CYP4F8: variants seen among roughly 807,000 people sequenced by gnomAD.
The protein encoded by CYP4F8 is cytochrome P450 family 4 subfamily F member 8.
In CYP4F8, 56 loss-of-function variants were observed where a neutral mutation model predicts 55.0. The observed-to-expected ratio is 1.02, with a 90% CI of 0.82 to 1.27. The LOEUF is 1.27. Ranked by LOEUF, CYP4F8 falls within the 50% of genes most tolerant of loss-of-function variation. The pLI is 0.00. For synonymous variants in CYP4F8, 288 were observed against 267.3 expected (o/e 1.08, Z -0.76); for missense variants, 680 against 682.4 (o/e 1.00, Z 0.04).
Position 15,625,259 on chromosome 19 carries a change from A to G in CYP4F8, c.1115+1165A>G, listed in dbSNP as rs370624529. On this transcript the variant is annotated intron_variant, in intron 9 of 12. Coordinates refer to ENST00000612078, the MANE Select transcript of CYP4F8 (RefSeq NM_007253.4). ...CTCCAAATGTCTAATTGTCCCAACC[A>G]AGTTTAATGAATATTTTGTCCTTGT... Among the ~76,000 whole-genome samples the G allele has an allele frequency of 2.1e-4, 31 of 151,134 alleles. No homozygotes were observed. In the East Asian group the frequency reaches 5.6e-3, roughly 27 times the overall value.
At chr19:15,625,693 T>G (rs549436017) in intron 9 of CYP4F8, among the ~76,000 whole-genome samples, 259 of 152,224 alleles carry the variant, frequency 1.7e-3, no homozygotes, top group African/African-American at 5.8e-3. Context: ...TTAGCCAGTT[T>G]GACAAATACT....
intron 2 of CYP4F8, 105 bp from the exon 3 acceptor site, chr19:15,617,895 A>T (rs1025184589): frequency 7.2e-7 from 1 of 1,391,560 alleles, no homozygotes; most frequent in Non-Finnish European, 9.7e-7. Context: ...CTCTCCTGAA[A>T]CACTCTCACA....
chr19:15,628,848 G>A lies in CYP4F8; in HGVS notation c.1397+5G>A. On this transcript the variant is annotated splice_donor_5th_base_variant and intron_variant, in intron 12 of 12. Transcript: ENST00000612078. Reference sequence around the variant, plus strand: ...TCCTTTCTCGGCGGGGCCCAGGTGAGGCCAGGGGGTGTCTGAGGTGGGCAT... The same window carrying A: ...TCCTTTCTCGGCGGGGCCCAGGTGAAGCCAGGGGGTGTCTGAGGTGGGCAT... 6.3e-7 allele frequency: 1 copy of A among 1,587,102 alleles called. No individual in the cohort carries two copies. The highest frequency in any genetic ancestry group is 8.6e-7 in the Non-Finnish European group (1 of 1,168,398).
At chr19:15,623,499 G>A (rs1972222442) in intron 7 of CYP4F8, 124 bp downstream of exon 7, 2 of 1,431,614 alleles carry the variant, frequency 1.4e-6, no homozygotes, top group African/African-American at 1.6e-5. Context: ...AAGAAGGGAG[G>A]GACAAGTCAG....
Position 15,617,977 on chromosome 19 carries a change from G to T in CYP4F8, c.199-23G>T, listed in dbSNP as rs769018600. 3 of 1,610,800 alleles carry T rather than the reference G, an allele frequency of 1.9e-6. No individual in the cohort carries two copies. In the South Asian group the frequency reaches 3.3e-5, roughly 18 times the overall value. ...ACCCAGTCAAGTGGACACAGGAGGTGATGGCCCTTGCCTTGCTTGCAGGTC... is the reference window on the plus strand; with the variant it reads ...ACCCAGTCAAGTGGACACAGGAGGTTATGGCCCTTGCCTTGCTTGCAGGTC... On this transcript the variant is annotated intron_variant, in intron 2 of 12. Transcript: ENST00000612078.
intron 4 of CYP4F8, 28 bp downstream of exon 4, chr19:15,619,571 G>A (rs1385127484): frequency 5.6e-6 from 9 of 1,614,052 alleles, no homozygotes; most frequent in Non-Finnish European, 7.6e-6. Flanking sequence ...GACGGGACGG[G>A]GACCAACTTT....
chr19:15,630,384 C>T lies in CYP4F8; in HGVS notation c.*1026C>T, dbSNP rs1360880730. 1 of 152,138 alleles carries T rather than the reference C, an allele frequency of 6.6e-6. No homozygotes were observed. Among genetic ancestry groups the T allele is most frequent in the East Asian group, 1.9e-4 (1 of 5,180 alleles). The allele number at this position is 152,138 out of a possible 1,614,324, so 9.4% of individuals were successfully genotyped here. A position where few individuals can be genotyped will look rare whatever the true frequency, so the allele number is the denominator to read the frequency against. On this transcript the variant is annotated 3_prime_UTR_variant, in exon 13 of 13. Coordinates refer to ENST00000612078, the MANE Select transcript of CYP4F8 (RefSeq NM_007253.4). ...TCTTTATTACCATGTGTATCCAATGCATACCTCCCACTTATAAGTGAGAAC... is the reference window on the plus strand; with the variant it reads ...TCTTTATTACCATGTGTATCCAATGTATACCTCCCACTTATAAGTGAGAAC...
At chr19:15,616,273 C>T (rs1420645796) in intron 2 of CYP4F8, among the ~76,000 whole-genome samples, 4 of 151,732 alleles carry the variant, frequency 2.6e-5, no homozygotes, top group African/African-American at 7.2e-5. Flanking sequence ...TTCCTCTCCT[C>T]GCTCACTCAT....
At chr19:15,622,117 C>G (rs1972201166) in intron 5 of CYP4F8, 102 bp from the exon 6 acceptor site, 2 of 1,452,470 alleles carry the variant, frequency 1.4e-6, no homozygotes, top group African/African-American at 2.9e-5. Flanking sequence ...GGACAGAAAA[C>G]CAGGAGCATG....
Position 15,628,840 on chromosome 19 carries a change from C to T in CYP4F8, c.1394C>T (p.Pro465Leu), listed in dbSNP as rs1157909579. The T allele has an allele frequency of 1.3e-6, 2 of 1,594,882 alleles. No homozygotes were observed. The highest frequency in any genetic ancestry group is 2.2e-5 in the East Asian group (1 of 44,748). Residue 465 changes from proline to leucine, a missense_variant, in exon 12 of 13, where the codon CCC becomes CTC. Physicochemically the swap from Pro to Leu is moderately conservative, Grantham distance 98 (BLOSUM62 -3). Transcript: ENST00000612078. ...GCTTTTATTCCTTTCTCGGCGGGGC[C>T]CAGGTGAGGCCAGGGGGTGTCTGAG... Reference protein sequence around the residue: ...PMAFIPFSAGPRNCIGQKFAM... With the variant: ...PMAFIPFSAGLRNCIGQKFAM...
intron 3 of CYP4F8, 192 bp from the exon 4 acceptor site, chr19:15,619,298 T>C: frequency 5.0e-6 from 3 of 602,902 alleles, no homozygotes; most frequent in Non-Finnish European, 5.8e-6. Flanking sequence ...CATTGCTCTA[T>C]AGTGTTGTTG....
chr19:15,629,308 G>A lies in CYP4F8; in HGVS notation c.1513G>A (p.Val505Ile). 1 of 1,613,062 alleles carries A rather than the reference G, an allele frequency of 6.2e-7. No homozygotes were observed. ...HREPRRTPEI[V>I]LRAEDGLWLR... ...GGAGCCACGCAGGACGCCGGAGATT[G>A]TTTTGCGTGCGGAGGACGGACTTTG... is the stretch of plus-strand genomic sequence containing the variant. The change falls in exon 13 of 13, where the codon GTT (valine) becomes ATT (isoleucine). Residue 505 changes from valine to isoleucine, a missense_variant. Transcript: ENST00000612078.
At position 15,618,161 on chromosome 19, in the gene CYP4F8, TGTG is replaced by T. The variant is rs1009831977; in HGVS notation, c.343+25_343+27del. ...ATACCTCAGGTACTCCTGCAGAGCTTGTGGTGGTGGGCACAGGAGAACATTGGA... is the reference window on the plus strand; with the variant it reads ...ATACCTCAGGTACTCCTGCAGAGCTTGTGGTGGGCACAGGAGAACATTGGA... On this transcript the variant is annotated intron_variant, in intron 3 of 12. Coordinates refer to ENST00000612078, the MANE Select transcript of CYP4F8 (RefSeq NM_007253.4). The T allele has an allele frequency of 1.2e-6, 2 of 1,614,068 alleles. No homozygotes were observed. The highest frequency in any genetic ancestry group is 8.5e-7 in the Non-Finnish European group (1 of 1,179,944).
At chr19:15,618,178 G>A (rs1246923290) in intron 3 of CYP4F8, 34 bp downstream of exon 3, 4 of 1,613,922 alleles carry the variant, frequency 2.5e-6, no homozygotes, top group Admixed American at 1.7e-5. Context: ...GTGGGCACAG[G>A]AGAACATTGG....
chr19:15,629,583 C>A lies in CYP4F8; in HGVS notation c.*225C>A. The A allele has an allele frequency of 1.9e-6, 1 of 538,190 alleles. No homozygotes were observed. The highest frequency in any genetic ancestry group is 3.1e-6 in the Non-Finnish European group (1 of 325,994). The allele number at this position is 538,190 out of a possible 1,614,324, so 33.3% of individuals were successfully genotyped here. On this transcript the variant is annotated 3_prime_UTR_variant, in exon 13 of 13. Transcript: ENST00000612078. ...TGCCTCTCTGGGTGAGCACAGGAGC[C>A]CCGTGCTGAGGGTGGGATCTCCCAG...
intron 2 of CYP4F8, among the ~76,000 whole-genome samples, chr19:15,616,236 C>CCACTCATTCCTCTCCTCTCT (rs1972119715): frequency 1.9e-5 from 1 of 51,730 alleles, no homozygotes; most frequent in Non-Finnish European, 3.6e-5. Flanking sequence ...CTCTCCTCAC[C>CCACTCATTCCTCTCCTCTCT]CACTCATTCC....
chr19:15,629,058 G>A lies in CYP4F8; in HGVS notation c.1398-135G>A. The A allele has an allele frequency of 3.7e-6, 5 of 1,345,748 alleles. No homozygotes were observed. The South Asian group carries it at 4.5e-5, about 12-fold the overall frequency. The allele number at this position is 1,345,748 out of a possible 1,614,324, so 83.4% of individuals were successfully genotyped here. On this transcript the variant is annotated intron_variant, in intron 12 of 12. Coordinates refer to ENST00000612078, the MANE Select transcript of CYP4F8 (RefSeq NM_007253.4). ...CTGGGAATATGCAAGCCCACATGGG[G>A]GTCCCAGACCCAGCTTCCCCCCTGT...
rs2144615060 is a variant in CYP4F8 at position 15,630,438 on chromosome 19, T to C, written c.*1080T>C. On this transcript the variant is annotated 3_prime_UTR_variant, in exon 13 of 13. Coordinates refer to ENST00000612078, the MANE Select transcript of CYP4F8 (RefSeq NM_007253.4). ...CAATATTTTGTTTTCTGTTCCTGCA[T>C]TAGTTTGCTTAGGATAATGGCCCCC... 1 of 152,350 alleles carries C rather than the reference T, an allele frequency of 6.6e-6. No individual in the cohort carries two copies. Among genetic ancestry groups the C allele is most frequent in the African/African-American group, 2.4e-5 (1 of 41,572 alleles). 9.4% of individuals were successfully genotyped at this position (152,350 alleles called of 1,614,324 possible). A position where few individuals can be genotyped will look rare whatever the true frequency, so the allele number is the denominator to read the frequency against.
At chr19:15,616,310 C>T (rs1333844909) in intron 2 of CYP4F8, among the ~76,000 whole-genome samples, 1 of 144,380 alleles carries the variant, frequency 6.9e-6, no homozygotes, top group African/African-American at 2.6e-5. Flanking sequence ...TCATTCCTCT[C>T]CTTGCTCACT....
Sources: allele counts gnomAD v4.1 joint callset (sites outside exome capture counted in the v4.1 genomes callset), GRCh38; gene constraint gnomAD v4.1.1; transcripts MANE v1.5; gene names NCBI Gene and HGNC (gene_info 2026-07-23, HGNC 2026-07-21).